MORN4: variants seen among roughly 807,000 people sequenced by gnomAD.
MORN4 encodes the protein MORN repeat-containing protein 4.
In MORN4, 8 loss-of-function variants were observed where a neutral mutation model predicts 16.4. The observed-to-expected ratio is 0.49, with a 90% CI of 0.29 to 0.88. The LOEUF is 0.88. Among genes scored for constraint, MORN4 ranks in the 40% least tolerant of loss-of-function variants. MORN4 has a pLI of 0.09. For missense variants in MORN4, 159 were observed against 182.9 expected (o/e 0.87, Z 0.75); for synonymous variants, 53 against 68.9 (o/e 0.77, Z 1.14).
chr10:97,616,781 C>G lies in MORN4; in HGVS notation c.189G>C (p.Glu63Asp). ...VLTFSDGSRYEGEFAQGKFNG... is the reference protein window; with the variant it reads ...VLTFSDGSRYDGEFAQGKFNG... ...TAAACTTGCCCTGGGCAAACTCCCC[C>G]TCATACCTGCAGAAACACCAAGAAG... Residue 63 changes from glutamate (E) to aspartate (D), a missense_variant, in exon 4 of 5, where the codon GAG becomes GAC. Physicochemically the swap from Glu to Asp is conservative, Grantham distance 45 (BLOSUM62 2). Transcript: ENST00000307450. 1 of 1,611,634 alleles carries G rather than the reference C, an allele frequency of 6.2e-7. No individual in the cohort carries two copies. Among genetic ancestry groups the G allele is most frequent in the Non-Finnish European group, 8.5e-7 (1 of 1,177,730 alleles).
chr10:97,625,354 C>A (rs2041337536), intron 1 of MORN4, among the ~76,000 whole-genome samples: 1 of 152,132 alleles, frequency 6.6e-6, no homozygotes, highest in Non-Finnish European at 1.5e-5. Flanking sequence ...ATCTCAGTCT[C>A]CTCATCTGTA....
chr10:97,623,894 C>T (rs1010581390), intron 1 of MORN4, among the ~76,000 whole-genome samples: 3 of 151,996 alleles, frequency 2.0e-5, no homozygotes, highest in African/African-American at 7.3e-5. Context: ...CACCACGACG[C>T]CCCACTAACT....
rs2041224528 is a variant in MORN4, at chr10:97,615,043, A to ATGAGT, written c.*1215_*1219dup. ...TACAAGTAATAAGATTACTGTTTAC[A>ATGAGT]TGAGTTTTTTTCTTGATTGTCCCAA... On this transcript the variant is annotated 3_prime_UTR_variant, in exon 5 of 5. Transcript: ENST00000307450. The ATGAGT allele has an allele frequency of 6.6e-6, 1 of 152,604 alleles. No individual in the cohort carries two copies. The highest frequency in any genetic ancestry group is 2.4e-5 in the African/African-American group (1 of 41,426). 9.5% of individuals were successfully genotyped at this position (152,604 alleles called of 1,614,324 possible). A position where few individuals can be genotyped will look rare whatever the true frequency, so the allele number is the denominator to read the frequency against.
At chr10:97,627,079 T>C (rs183677915) in intron 1 of MORN4, among the ~76,000 whole-genome samples, 3 of 151,714 alleles carry the variant, frequency 2.0e-5, no homozygotes, top group Admixed American at 1.3e-4. Context: ...GTTTGTTTGT[T>C]TAATGGAGAC....
intron 1 of MORN4, among the ~76,000 whole-genome samples, chr10:97,630,136 C>T (rs1191029052): frequency 6.6e-6 from 1 of 152,052 alleles, no homozygotes; most frequent in Non-Finnish European, 1.5e-5. Context: ...ACCATGTTAG[C>T]CAGGATGGTC....
chr10:97,617,725 T>C (rs1326484850), intron 2 of MORN4, among the ~76,000 whole-genome samples: 1 of 151,894 alleles, frequency 6.6e-6, no homozygotes, highest in Non-Finnish European at 1.5e-5. Context: ...CTGGGTGTAG[T>C]GGCGCCTGCC....
At chr10:97,620,211 G>C (rs2041276457) in intron 1 of MORN4, among the ~76,000 whole-genome samples, 1 of 152,008 alleles carries the variant, frequency 6.6e-6, no homozygotes, top group African/African-American at 2.4e-5. Flanking sequence ...AACAGGCCAG[G>C]GGCAGTGGCT....
At chr10:97,629,675 CAG>C (rs1188547512) in intron 1 of MORN4, among the ~76,000 whole-genome samples, 3 of 152,168 alleles carry the variant, frequency 2.0e-5, no homozygotes, top group African/African-American at 7.2e-5. Context: ...TATCAGGGAG[CAG>C]AGAGAGGCCT....
chr10:97,616,274 G>C lies in MORN4; in HGVS notation c.430C>G (p.Leu144Val). 1.2e-6 allele frequency: 2 copies of C among 1,601,736 alleles called. No homozygotes were observed. Among genetic ancestry groups the C allele is most frequent in the Non-Finnish European group, 1.7e-6 (2 of 1,174,192 alleles). ...AQSASKSARN[L>V]TA ...TGCCCACTGCGCTGTCAGGCAGTGAGATTTCTGGCTGACTTGGAGGCGCTC... is the reference window on the plus strand; with the variant it reads ...TGCCCACTGCGCTGTCAGGCAGTGACATTTCTGGCTGACTTGGAGGCGCTC... The change falls in exon 5 of 5, where the codon CTC becomes GTC. Residue 144 changes from leucine (L) to valine (V), a missense_variant. Leu to Val is a conservative substitution (Grantham distance 32). Transcript: ENST00000307450.
At position 97,633,461 on chromosome 10, in the gene MORN4, G is replaced by A. The variant is rs775051555; in HGVS notation, c.-145C>T. ...CTTGCTCTCCGCCACCTCCACCAGC[G>A]ATTGCCCCACTTGACGCCGCCATCC... On this transcript the variant is annotated 5_prime_UTR_variant, in exon 1 of 5. Coordinates refer to ENST00000307450, the MANE Select transcript of MORN4 (RefSeq NM_178832.4). This position sits in a 1 kb window ranked among gnomAD's most constrained non-coding sequence, Gnocchi z 4.5. The A allele has an allele frequency of 1.6e-5, 21 of 1,289,688 alleles. No individual in the cohort carries two copies. The highest frequency in any genetic ancestry group is 2.1e-5 in the Non-Finnish European group (21 of 988,840). 79.9% of individuals were successfully genotyped at this position (1,289,688 alleles called of 1,614,324 possible).
At chr10:97,620,349 G>A (rs1564765703) in intron 1 of MORN4, among the ~76,000 whole-genome samples, 1 of 151,800 alleles carries the variant, frequency 6.6e-6, no homozygotes, top group African/African-American at 2.4e-5. Flanking sequence ...TTAGCTGGGC[G>A]TGGTGGCAGG....
chr10:97,623,481 A>G (rs868727457), intron 1 of MORN4, among the ~76,000 whole-genome samples: 1 of 152,162 alleles, frequency 6.6e-6, no homozygotes, highest in Admixed American at 6.5e-5. Context: ...AGTAACCTAG[A>G]GTCTGACCCT....
intron 1 of MORN4, among the ~76,000 whole-genome samples, chr10:97,626,753 GA>G (rs1169463293): frequency 1.7e-5 from 2 of 116,786 alleles, no homozygotes; most frequent in African/African-American, 7.6e-5. Context: ...ACTGTGCCCA[GA>G]TTTTTTTTTT....
chr10:97,631,004 C>T (rs1356381815), intron 1 of MORN4, among the ~76,000 whole-genome samples: 2 of 152,140 alleles, frequency 1.3e-5, no homozygotes, highest in Non-Finnish European at 1.5e-5. Flanking sequence ...GAGCATGCCA[C>T]GACACCCAGC....
chr10:97,633,019 C>A lies in MORN4; in HGVS notation c.-31+328G>T, dbSNP rs2041410213. Among the ~76,000 whole-genome samples, 1 of 152,180 alleles carries A rather than the reference C, an allele frequency of 6.6e-6. No homozygotes were observed. Among genetic ancestry groups the A allele is most frequent in the African/African-American group, 2.4e-5 (1 of 41,450 alleles). ...GCAACACCTTCTCGCACCCCATTTT[C>A]ACCTTCCAGGCGCGTTCCTTCCTGC... On this transcript the variant is annotated intron_variant, in intron 1 of 4. Coordinates refer to ENST00000307450, the MANE Select transcript of MORN4 (RefSeq NM_178832.4). This position sits in a 1 kb window ranked among gnomAD's most constrained non-coding sequence, Gnocchi z 4.5.
chr10:97,616,517 C>G, intron 4 of MORN4, 106 bp from the exon 5 acceptor site: 1 of 1,355,786 alleles, frequency 7.4e-7, no homozygotes, highest in Non-Finnish European at 1.0e-6. Flanking sequence ...GAGAAAAACT[C>G]CCAGCTCTAC....
At chr10:97,632,597 G>A (rs1366668586) in intron 1 of MORN4, among the ~76,000 whole-genome samples, 1 of 151,960 alleles carries the variant, frequency 6.6e-6, no homozygotes, top group African/African-American at 2.4e-5. Flanking sequence ...CTTTCCTCAT[G>A]TGAAAAGTAA....
chr10:97,632,212 C>CTTTTTTT (rs1162979185), intron 1 of MORN4, among the ~76,000 whole-genome samples: 23 of 86,974 alleles, frequency 2.6e-4, no homozygotes, highest in African/African-American at 9.0e-4. Context: ...TAATACTCCC[C>CTTTTTTT]TTTTTTTTTT....
chr10:97,633,090 G>A lies in MORN4; in HGVS notation c.-31+257C>T, dbSNP rs2041411284. On this transcript the variant is annotated intron_variant, in intron 1 of 4. Coordinates refer to ENST00000307450, the MANE Select transcript of MORN4 (RefSeq NM_178832.4). The surrounding 1 kb of genome is among the most constrained non-coding windows in gnomAD (Gnocchi z 4.5). Reference sequence around the variant, plus strand: ...CCCGGCAGGGTCTAACGCTCACACAGGTCTGCCAATTCCCCTGATGCAACC... The same window carrying A: ...CCCGGCAGGGTCTAACGCTCACACAAGTCTGCCAATTCCCCTGATGCAACC... 1.3e-5 allele frequency among the ~76,000 whole-genome samples: 2 copies of A among 152,124 alleles called. No individual in the cohort carries two copies. The highest frequency in any genetic ancestry group is 4.1e-4 in the South Asian group (2 of 4,826).
Sources: allele counts gnomAD v4.1 joint callset (sites outside exome capture counted in the v4.1 genomes callset), GRCh38; gene constraint gnomAD v4.1.1; non-coding constraint Gnocchi (gnomAD v3.1); transcripts MANE v1.5; gene names NCBI Gene and HGNC (gene_info 2026-07-23, HGNC 2026-07-21).